WASF1: variants seen among roughly 807,000 people sequenced by gnomAD.
WASF1 encodes WASP family member 1.
Under a neutral mutation model 50.5 loss-of-function variants are expected in WASF1, and 7 were observed. That is an observed-to-expected ratio of 0.14 (90% CI 0.08 to 0.26). WASF1 has a LOEUF of 0.26. Among genes scored for constraint, WASF1 ranks in the 10% least tolerant of loss-of-function variants. The probability of loss-of-function intolerance (pLI) is 1.00; values close to 1 mark genes in which losing one functional copy is unlikely to be tolerated. For missense variants in WASF1, 470 were observed against 694.7 expected, an observed-to-expected ratio of 0.68 and a Z score of 3.64; for synonymous variants, 205 against 244.0, an observed-to-expected ratio of 0.84 and a Z score of 1.49.
intron 5 of WASF1, among the ~76,000 whole-genome samples, chr6:110,111,424 A>C (rs1048781127): frequency 6.6e-6 from 1 of 152,176 alleles, no homozygotes; most frequent in South Asian, 2.1e-4. Context: ...ATATTTGATA[A>C]AGGATTTAGA....
intron 4 of WASF1, among the ~76,000 whole-genome samples, chr6:110,114,740 C>T (rs1284068398): frequency 6.7e-6 from 1 of 149,440 alleles, no homozygotes; most frequent in African/African-American, 2.5e-5. Flanking sequence ...AGCCAAGAGG[C>T]AGCAGATGAG....
At chr6:110,140,139 C>G (rs900044510) in intron 3 of WASF1, among the ~76,000 whole-genome samples, 11 of 152,148 alleles carry the variant, frequency 7.2e-5, no homozygotes, top group African/African-American at 2.7e-4. Flanking sequence ...CTGAGACAGG[C>G]TGAATGTTAA....
At chr6:110,136,049 A>G (rs1281995606) in intron 3 of WASF1, among the ~76,000 whole-genome samples, 1 of 151,466 alleles carries the variant, frequency 6.6e-6, no homozygotes, top group African/African-American at 2.4e-5. Context: ...ATGCCCAGCT[A>G]ATTTTTTTGT....
chr6:110,107,285 A>G, intron 6 of WASF1, 91 bp from the exon 7 acceptor site: 1 of 807,298 alleles, frequency 1.2e-6, no homozygotes, highest in Non-Finnish European at 1.9e-6. Flanking sequence ...ATCCTCTTAC[A>G]TTAATAAAAT....
chr6:110,109,719 T>G (rs1359242485), intron 5 of WASF1, among the ~76,000 whole-genome samples: 1 of 136,586 alleles, frequency 7.3e-6, no homozygotes, highest in Admixed American at 7.2e-5. Context: ...GGCCGACTAA[T>G]TTTTTTTTTT....
intron 2 of WASF1, among the ~76,000 whole-genome samples, chr6:110,168,225 T>C (rs1175306033): frequency 6.6e-6 from 1 of 152,092 alleles, no homozygotes; most frequent in Non-Finnish European, 1.5e-5. Context: ...CCCTACTATA[T>C]GAAATACATA....
chr6:110,133,927 T>C (rs1774819501), intron 3 of WASF1, among the ~76,000 whole-genome samples: 1 of 152,218 alleles, frequency 6.6e-6, no homozygotes, highest in South Asian at 2.1e-4. Context: ...GGTCAGGAAC[T>C]GTTTGCCTAA....
intron 3 of WASF1, among the ~76,000 whole-genome samples, chr6:110,139,860 T>C (rs1300005640): frequency 1.3e-5 from 2 of 148,920 alleles, no homozygotes; most frequent in African/African-American, 5.1e-5. Flanking sequence ...GATAACCCAA[T>C]AACTAATAAT....
intron 3 of WASF1, 99 bp downstream of exon 3, chr6:110,160,536 T>A (rs1213375864): frequency 6.6e-6 from 1 of 151,778 alleles, no homozygotes; most frequent in Non-Finnish European, 1.5e-5. Context: ...CAGTCCACTT[T>A]TATTAGTATA....
chr6:110,141,478 TCTA>T (rs1412586448), intron 3 of WASF1, among the ~76,000 whole-genome samples: 5 of 152,174 alleles, frequency 3.3e-5, no homozygotes, highest in African/African-American at 1.2e-4. Flanking sequence ...GATGTAACCA[TCTA>T]CTCTTTGATG....
At chr6:110,142,775 T>C (rs892228694) in intron 3 of WASF1, among the ~76,000 whole-genome samples, 1 of 152,038 alleles carries the variant, frequency 6.6e-6, no homozygotes, top group African/African-American at 2.4e-5. Context: ...ATGAACCAAT[T>C]ACATATAATT....
At chr6:110,146,087 C>T (rs1170444668) in intron 3 of WASF1, among the ~76,000 whole-genome samples, 1 of 152,076 alleles carries the variant, frequency 6.6e-6, no homozygotes, top group African/African-American at 2.4e-5. Flanking sequence ...ACATATGTAA[C>T]AAACCTGCAC....
At chr6:110,111,471 A>G (rs1773552366) in intron 5 of WASF1, among the ~76,000 whole-genome samples, 1 of 152,198 alleles carries the variant, frequency 6.6e-6, no homozygotes, top group South Asian at 2.1e-4. Context: ...AGTCAAAAAT[A>G]AAAACACGAA....
At chr6:110,111,790 G>A (rs542722085) in intron 5 of WASF1, among the ~76,000 whole-genome samples, 13 of 152,200 alleles carry the variant, frequency 8.5e-5, no homozygotes, top group African/African-American at 2.4e-4. Flanking sequence ...GGGAAACAGA[G>A]TGACTGCTAA....
intron 1 of WASF1, 73 bp downstream of exon 1, chr6:110,179,365 CG>C (rs1370645146): frequency 2.6e-5 from 4 of 152,558 alleles, no homozygotes; most frequent in South Asian, 4.1e-4. Flanking sequence ...CGGTCTGCTC[CG>C]GCCAGTAAGG....
chr6:110,115,272 G>T (rs764455226), intron 4 of WASF1, among the ~76,000 whole-genome samples: 13 of 150,924 alleles, frequency 8.6e-5, no homozygotes, highest in Non-Finnish European at 1.5e-4. Flanking sequence ...CAGGATTTAA[G>T]GCAGGAAGGG....
Position 110,108,609 on chromosome 6 carries a change from C to G in WASF1, c.341G>C (p.Arg114Pro). Reference protein sequence around the residue: ...STIQDQQLFDRKTLPIPLQET... With the variant: ...STIQDQQLFDPKTLPIPLQET... ...CTGTAATGGAATAGGCAAAGTCTTGCGATCGAAAAGCTGCTGGTCTTGAAT... is the reference window on the plus strand; with the variant it reads ...CTGTAATGGAATAGGCAAAGTCTTGGGATCGAAAAGCTGCTGGTCTTGAAT... Residue 114 changes from arginine (R) to proline (P), a missense_variant, in exon 6 of 11, where the codon CGC (arginine) becomes CCC (proline). This residue lies in a region of WASF1 where 140 missense variants were observed against 260.5 expected (regional missense o/e 0.54). Coordinates refer to ENST00000392589, the MANE Select transcript of WASF1 (RefSeq NM_003931.3). The G allele has an allele frequency of 3.7e-6, 6 of 1,613,974 alleles. No individual in the cohort carries two copies. Among genetic ancestry groups the G allele is most frequent in the Non-Finnish European group, 5.1e-6 (6 of 1,179,916 alleles).
intron 3 of WASF1, among the ~76,000 whole-genome samples, chr6:110,139,270 A>G (rs575023053): frequency 1.1e-4 from 17 of 152,318 alleles, no homozygotes; most frequent in Non-Finnish European, 2.2e-4. Context: ...CAGGCCCCCA[A>G]GAGCACGGGG....
At chr6:110,122,442 CA>C (rs1320823892) in intron 4 of WASF1, among the ~76,000 whole-genome samples, 1 of 152,036 alleles carries the variant, frequency 6.6e-6, no homozygotes, top group Non-Finnish European at 1.5e-5. Context: ...AATGAAGAAG[CA>C]AAAAAGTCAG....
Sources: gnomAD v4.1 joint callset for allele counts (sites outside exome capture counted in the v4.1 genomes callset) on GRCh38, gnomAD v4.1.1 for gene constraint, gnomAD v4.1.1 regional missense constraint, MANE v1.5 for transcripts, NCBI Gene and HGNC (gene_info 2026-07-23, HGNC 2026-07-21) for gene names.